The following RBFOX1 variants were observed in gnomAD, a reference collection of about 807,000 sequenced individuals.
RBFOX1 encodes RNA binding fox-1 homolog 1.
In RBFOX1, 8 loss-of-function variants were observed where a neutral mutation model predicts 57.7. That is an observed-to-expected ratio of 0.14 (90% CI 0.08 to 0.25). RBFOX1 has a LOEUF of 0.25. Among genes scored for constraint, RBFOX1 ranks in the 10% least tolerant of loss-of-function variants. The probability of loss-of-function intolerance (pLI) is 1.00; values close to 1 mark genes in which losing one functional copy is unlikely to be tolerated. For missense variants in RBFOX1, 611 were observed against 548.5 expected, an observed-to-expected ratio of 1.11 and a Z score of -1.14; for synonymous variants, 326 against 222.4, an observed-to-expected ratio of 1.47 and a Z score of -4.15.
intron 3 of RBFOX1, among the ~76,000 whole-genome samples, chr16:6,851,129 A>T (rs1483918939): frequency 6.6e-6 from 1 of 152,228 alleles, no homozygotes; most frequent in Non-Finnish European, 1.5e-5. Context: ...GTGGAAAAAA[A>T]GCCCATTTCT....
chr16:5,550,871 A>G (rs1029536494), intron 2 of RBFOX1, among the ~76,000 whole-genome samples: 6 of 152,218 alleles, frequency 3.9e-5, no homozygotes, highest in African/African-American at 1.4e-4. Flanking sequence ...GGCTGATGTA[A>G]TCTCAGAATG....
At chr16:7,308,675 A>G (rs367893640) in intron 4 of RBFOX1, among the ~76,000 whole-genome samples, 316 of 152,318 alleles carry the variant, frequency 2.1e-3, no homozygotes, top group South Asian at 4.8e-3. Context: ...ATCGAAAGCA[A>G]TTGAACTGAA....
At chr16:7,661,980 T>G (rs1050683565) in intron 12 of RBFOX1, among the ~76,000 whole-genome samples, 3 of 151,992 alleles carry the variant, frequency 2.0e-5, no homozygotes, top group African/African-American at 7.2e-5. Flanking sequence ...CAAATAGGCT[T>G]GACATGGAGG....
intron 2 of RBFOX1, among the ~76,000 whole-genome samples, chr16:6,537,159 T>G (rs1488536055): frequency 1.3e-5 from 2 of 152,076 alleles, no homozygotes; most frequent in Non-Finnish European, 2.9e-5. Context: ...CCAGGAATCT[T>G]CCTACAATGC....
intron 4 of RBFOX1, among the ~76,000 whole-genome samples, chr16:7,354,314 A>G (rs8054464): frequency 0.2 from 29,798 of 152,172 alleles, 3,084 homozygotes; most frequent in African/African-American, 0.25. Context: ...AATATGAATT[A>G]TTATTTCAAA....
chr16:5,310,256 G>T (rs1256064924), intron 1 of RBFOX1, among the ~76,000 whole-genome samples: 2 of 152,118 alleles, frequency 1.3e-5, no homozygotes, highest in Non-Finnish European at 2.9e-5. Context: ...ACAAAAATTA[G>T]CTGGGCATAG....
chr16:6,700,826 A>G (rs148622347), intron 3 of RBFOX1, among the ~76,000 whole-genome samples: 1,628 of 151,906 alleles, frequency 0.011, 9 homozygotes, highest in Non-Finnish European at 0.018. Flanking sequence ...TTCATGACAT[A>G]TAGAATTTAT....
At chr16:6,351,243 C>T (rs1265700322) in intron 2 of RBFOX1, among the ~76,000 whole-genome samples, 2 of 147,200 alleles carry the variant, frequency 1.4e-5, no homozygotes, top group African/African-American at 2.5e-5. Flanking sequence ...TATATATATG[C>T]ATATGCGTTT....
chr16:7,545,994 A>G (rs1401733148), intron 5 of RBFOX1, among the ~76,000 whole-genome samples: 1 of 143,844 alleles, frequency 7.0e-6, no homozygotes, highest in Non-Finnish European at 1.5e-5. Context: ...TATTACTATT[A>G]TTCTGTGACT....
At chr16:6,509,801 T>G (rs912641080) in intron 2 of RBFOX1, among the ~76,000 whole-genome samples, 1 of 152,224 alleles carries the variant, frequency 6.6e-6, no homozygotes, top group African/African-American at 2.4e-5. Context: ...ATGTAACTCA[T>G]AAATATATAC....
chr16:6,098,234 C>G, intron 1 of RBFOX1, among the ~76,000 whole-genome samples: 1 of 152,192 alleles, frequency 6.6e-6, no homozygotes, highest in East Asian at 1.9e-4. Flanking sequence ...CTTTATTTCA[C>G]AGATGGAGAG....
chr16:7,204,859 A>G (rs1210820930), intron 4 of RBFOX1, among the ~76,000 whole-genome samples: 2 of 151,082 alleles, frequency 1.3e-5, no homozygotes, highest in South Asian at 2.1e-4. Flanking sequence ...TCGCCATTCT[A>G]CTCCTTGGTT....
chr16:5,632,973 C>T (rs942922660), intron 3 of RBFOX1, among the ~76,000 whole-genome samples: 1 of 138,814 alleles, frequency 7.2e-6, no homozygotes, highest in African/African-American at 2.7e-5. Context: ...GAGTCTCACT[C>T]TGTCACCTGG....
At chr16:6,877,081 A>G (rs1355190216) in intron 3 of RBFOX1, among the ~76,000 whole-genome samples, 2 of 152,226 alleles carry the variant, frequency 1.3e-5, no homozygotes, top group Non-Finnish European at 2.9e-5. Context: ...CTGGCCATTT[A>G]CTGGTGCTTA....
chr16:6,842,265 T>G (rs1190075361), intron 3 of RBFOX1, among the ~76,000 whole-genome samples: 1 of 152,138 alleles, frequency 6.6e-6, no homozygotes, highest in Non-Finnish European at 1.5e-5. Context: ...CTGTGGCATA[T>G]ATTTTTCTGT....
Position 5,577,471 on chromosome 16 carries a change from G to T in RBFOX1, c.259-21431G>T, listed in dbSNP as rs191668948. 2.2e-4 allele frequency among the ~76,000 whole-genome samples: 34 copies of T among 152,228 alleles called. 1 individual carries two copies. In the East Asian group the frequency reaches 6.4e-3, roughly 29 times the overall value. On this transcript the variant is annotated intron_variant, in intron 2 of 2. Coordinates refer to the RBFOX1 transcript ENST00000585867. ...GGTGCCTTATTTGAGTTCATATAAT[G>T]AACACCTGTGAGCTTTTTCCTCCCC...
chr16:5,837,796 G>A (rs2151840377), intron 3 of RBFOX1, among the ~76,000 whole-genome samples: 1 of 152,196 alleles, frequency 6.6e-6, no homozygotes, highest in Middle Eastern at 3.4e-3. Context: ...TGAAGGCAGG[G>A]TGCTTATCTC....
At chr16:5,969,009 C>G (rs1174425718) in intron 4 of RBFOX1, among the ~76,000 whole-genome samples, 1 of 151,866 alleles carries the variant, frequency 6.6e-6, no homozygotes, top group Non-Finnish European at 1.5e-5. Context: ...TTAGGTTTTT[C>G]TAGTTTATTC....
At chr16:5,496,667 C>T (rs1299527847) in intron 2 of RBFOX1, among the ~76,000 whole-genome samples, 6 of 152,090 alleles carry the variant, frequency 3.9e-5, no homozygotes, top group African/African-American at 7.2e-5. Context: ...GAGGAGGAGA[C>T]GTGTTTGGGA....
Sources: gnomAD v4.1 joint callset for allele counts (sites outside exome capture counted in the v4.1 genomes callset) on GRCh38, gnomAD v4.1.1 for gene constraint, MANE v1.5 for transcripts, NCBI Gene and HGNC (gene_info 2026-07-23, HGNC 2026-07-21) for gene names.